The following RWDD2B variants were observed in gnomAD, a reference collection of about 807,000 sequenced individuals.
RWDD2B encodes RWD domain-containing protein 2B.
RWDD2B carries 36 observed loss-of-function variants against 33.6 expected under a neutral mutation model. The ratio of observed to expected loss-of-function variants is 1.07; its 90% confidence interval spans 0.82 to 1.42. The LOEUF is 1.42. Among genes scored for constraint, RWDD2B ranks in the 40% most tolerant of loss-of-function variants. The probability of loss-of-function intolerance (pLI) is 0.00; values close to 1 mark genes in which losing one functional copy is unlikely to be tolerated. For missense variants in RWDD2B, 364 were observed against 377.5 expected, an observed-to-expected ratio of 0.96 and a Z score of 0.30; for synonymous variants, 126 against 133.1, an observed-to-expected ratio of 0.95 and a Z score of 0.37.
rs557650750 is a variant in RWDD2B at position 29,017,321 on chromosome 21, C to T, written c.67+1890G>A. On this transcript the variant is annotated intron_variant, in intron 1 of 4. Coordinates refer to ENST00000493196, the MANE Select transcript of RWDD2B (RefSeq NM_016940.3). The stretch of plus-strand genomic sequence containing the variant: ...CCATGACATCAAAAACAAATTTATA[C>T]GCCCAGCCCAGGTGCGGTGGTGGCT... 3.3e-5 allele frequency among the ~76,000 whole-genome samples: 5 copies of T among 152,116 alleles called. No individual in the cohort carries two copies. The South Asian group carries it at 1.0e-3, about 32-fold the overall frequency.
rs576869919 is a variant in RWDD2B at position 29,011,567 on chromosome 21, C to T, written c.68-2946G>A. ...GGGGTCAGCCCCCCGCCCGGCCAGC[C>T]GCCCCTTCCGGGAGGGAGGTGGGGG... On this transcript the variant is annotated intron_variant, in intron 1 of 4. Coordinates refer to ENST00000493196, the MANE Select transcript of RWDD2B (RefSeq NM_016940.3). 1.3e-3 allele frequency among the ~76,000 whole-genome samples: 195 copies of T among 149,112 alleles called. 4 individuals are homozygous for T. Among genetic ancestry groups the T allele is most frequent in the African/African-American group, 4.5e-3 (181 of 40,446 alleles).
intron 1 of RWDD2B, among the ~76,000 whole-genome samples, chr21:29,015,879 G>A (rs889229539): frequency 6.6e-6 from 1 of 152,098 alleles, no homozygotes; most frequent in Admixed American, 6.5e-5. Flanking sequence ...CTAATTAGGC[G>A]AGAGACTATA....
At chr21:29,012,333 G>C (rs868590412) in intron 1 of RWDD2B, among the ~76,000 whole-genome samples, 1 of 152,166 alleles carries the variant, frequency 6.6e-6, no homozygotes, top group Non-Finnish European at 1.5e-5. Context: ...AATAGAAAGG[G>C]GGGAAAGGTG....
At chr21:29,016,870 G>A (rs1356506585) in intron 1 of RWDD2B, among the ~76,000 whole-genome samples, 1 of 152,172 alleles carries the variant, frequency 6.6e-6, no homozygotes, top group Admixed American at 6.5e-5. Context: ...TGGGATGAGA[G>A]GGTTGCTGTG....
intron 1 of RWDD2B, among the ~76,000 whole-genome samples, chr21:29,010,314 T>A (rs1219742642): frequency 6.6e-6 from 1 of 151,786 alleles, no homozygotes; most frequent in Non-Finnish European, 1.5e-5. Flanking sequence ...TCTTAATACA[T>A]AGTTCCTTTT....
rs1234054119 is a variant in RWDD2B at position 29,004,744 on chromosome 21, A to C, written c.*1673T>G. The stretch of plus-strand genomic sequence containing the variant: ...CGTACATAAGATTTAGGTCCAATAC[A>C]AGCACTGTGCTTTAAATACCATTCT... On this transcript the variant is annotated 3_prime_UTR_variant, in exon 5 of 5. Transcript: ENST00000493196. The C allele has an allele frequency of 6.6e-6, 1 of 152,236 alleles. No individual in the cohort carries two copies. Among genetic ancestry groups the C allele is most frequent in the East Asian group, 1.9e-4 (1 of 5,202 alleles). 9.4% of individuals were successfully genotyped at this position (152,236 alleles called of 1,614,324 possible).
intron 1 of RWDD2B, among the ~76,000 whole-genome samples, chr21:29,012,103 TC>T (rs1356755511): frequency 8.6e-6 from 1 of 115,650 alleles, no homozygotes; most frequent in Admixed American, 8.5e-5. Context: ...AGCCGCCCCG[TC>T]CGGGAGGGAG....
At chr21:29,018,863 G>T (rs1254145825) in intron 1 of RWDD2B, among the ~76,000 whole-genome samples, 1 of 152,124 alleles carries the variant, frequency 6.6e-6, no homozygotes, top group East Asian at 1.9e-4. Context: ...TTAAGAGAAC[G>T]CAGACTGAAA....
intron 1 of RWDD2B, among the ~76,000 whole-genome samples, chr21:29,016,004 C>T (rs2084888531): frequency 1.3e-5 from 2 of 152,114 alleles, no homozygotes; most frequent in Admixed American, 6.5e-5. Context: ...ATGACATTAG[C>T]CCTCCTCTCC....
At chr21:29,010,474 T>G (rs8128807) in intron 1 of RWDD2B, among the ~76,000 whole-genome samples, 2 of 666 alleles carry the variant, frequency 3.0e-3, no homozygotes, top group Admixed American at 0.016. Flanking sequence ...CCCGGGTGTG[T>G]TGGTGCGTGC....
chr21:29,009,098 GT>G (rs1568869397), intron 1 of RWDD2B, among the ~76,000 whole-genome samples: 1 of 152,076 alleles, frequency 6.6e-6, no homozygotes. Flanking sequence ...TGTTTATTAG[GT>G]TTTTTTGAGA....
chr21:29,009,654 A>G (rs1051997001), intron 1 of RWDD2B: 1 of 152,112 alleles, frequency 6.6e-6, no homozygotes, highest in Admixed American at 6.5e-5. Context: ...TCGGCCTCCC[A>G]AAGTGCTGGG....
At position 29,007,939 on chromosome 21, in the gene RWDD2B, C is replaced by T. The variant is rs1441940716; in HGVS notation, c.547G>A (p.Val183Ile). ...SPTTGSTVQS[V>I]DLIFTRLWIY... is the part of the protein sequence containing the mutation. ...CAGAGTCTCGTGAAGATGAGGTCAACTGACTGGACTGTGCTTCCTGTGGTG... is the reference window on the plus strand; with the variant it reads ...CAGAGTCTCGTGAAGATGAGGTCAATTGACTGGACTGTGCTTCCTGTGGTG... The change falls in exon 4 of 5, where the codon GTT (valine) becomes ATT (isoleucine). Residue 183 changes from valine (V) to isoleucine (I), a missense_variant. Val to Ile is a conservative substitution (Grantham distance 29, BLOSUM62 3). Transcript: ENST00000493196. The T allele has an allele frequency of 1.3e-5, 21 of 1,614,114 alleles. No individual in the cohort carries two copies. Among genetic ancestry groups the T allele is most frequent in the Non-Finnish European group, 1.7e-5 (20 of 1,180,048 alleles).
At chr21:29,010,929 C>T (rs1212353504) in intron 1 of RWDD2B, among the ~76,000 whole-genome samples, 3 of 152,234 alleles carry the variant, frequency 2.0e-5, no homozygotes, top group South Asian at 2.1e-4. Flanking sequence ...CTCGGCCTCC[C>T]GAGATGCGGG....
In RWDD2B at chr21:29,019,332, T is replaced by A; in HGVS notation, c.-55A>T. On this transcript the variant is annotated 5_prime_UTR_variant, in exon 1 of 5. Transcript: ENST00000493196. ...TGCGACCCAAAACTTACAAACCGCC[T>A]CAGCTGGCGACCTACCGGAAAAAAA... 3.1e-6 allele frequency: 4 copies of A among 1,270,130 alleles called. No homozygotes were observed. The highest frequency in any genetic ancestry group is 4.4e-6 in the Non-Finnish European group (4 of 912,442). The allele number at this position is 1,270,130 out of a possible 1,614,324, so 78.7% of individuals were successfully genotyped here.
At chr21:29,017,964 C>G (rs777196237) in intron 1 of RWDD2B, among the ~76,000 whole-genome samples, 8 of 152,194 alleles carry the variant, frequency 5.3e-5, no homozygotes, top group African/African-American at 1.9e-4. Context: ...ACTAGTAAAG[C>G]ATGGCCAGAA....
chr21:29,019,323 C>T lies in RWDD2B; in HGVS notation c.-46G>A. On this transcript the variant is annotated 5_prime_UTR_variant, in exon 1 of 5. Transcript: ENST00000493196. ...CTAGCATACTGCGACCCAAAACTTA[C>T]AAACCGCCTCAGCTGGCGACCTACC... 1 of 1,405,812 alleles carries T rather than the reference C, an allele frequency of 7.1e-7. No homozygotes were observed. The highest frequency in any genetic ancestry group is 1.5e-5 in the African/African-American group (1 of 68,402). 87.1% of individuals were successfully genotyped at this position (1,405,812 alleles called of 1,614,324 possible). A position where few individuals can be genotyped will look rare whatever the true frequency, so the allele number is the denominator to read the frequency against.
At chr21:29,019,090 C>A in intron 1 of RWDD2B, 121 bp downstream of exon 1, 6 of 769,366 alleles carry the variant, frequency 7.8e-6, no homozygotes, top group Non-Finnish European at 1.3e-5. Context: ...CCGATGGGCG[C>A]ATGCAGTGAG....
At position 29,007,832 on chromosome 21, in the gene RWDD2B, A is replaced by G. The variant is rs1222626301; in HGVS notation, c.654T>C (p.Phe218=). The G allele has an allele frequency of 6.2e-7, 1 of 1,614,128 alleles. No homozygotes were observed. Among genetic ancestry groups the G allele is most frequent in the Non-Finnish European group, 8.5e-7 (1 of 1,180,036 alleles). ...EWAKELSLSG[F]SMPGKPGVVC... The stretch of plus-strand genomic sequence containing the variant: ...CAACACCAGGTTTTCCAGGCATGCT[A>G]AACCCAGACAGGGAAAGCTCCTTTG... Residue 218 remains phenylalanine, a synonymous_variant, in exon 4 of 5, where the codon TTT becomes TTC. Coordinates refer to ENST00000493196, the MANE Select transcript of RWDD2B (RefSeq NM_016940.3).
Sources: gnomAD v4.1 joint callset for allele counts (sites outside exome capture counted in the v4.1 genomes callset) on GRCh38, gnomAD v4.1.1 for gene constraint, MANE v1.5 for transcripts, NCBI Gene and HGNC (gene_info 2026-07-23, HGNC 2026-07-21) for gene names.